CEP192: variants seen among roughly 807,000 people sequenced by gnomAD.
The protein encoded by CEP192 is centrosomal protein of 192 kDa.
CEP192 carries 151 observed loss-of-function variants against 271.8 expected under a neutral mutation model. The ratio of observed to expected loss-of-function variants is 0.56; its 90% CI spans 0.49 to 0.64. The LOEUF (loss-of-function observed/expected upper bound fraction) is 0.64, where lower values mean the gene tolerates loss of function less well. CEP192 is among the 30% of genes least tolerant of loss of function. CEP192 has a pLI of 0.00. For missense variants in CEP192, 2,910 were observed against 3,020.5 expected (o/e 0.96, Z 0.86); for synonymous variants, 995 against 1,076.5 (o/e 0.92, Z 1.48).
intron 21 of CEP192, among the ~76,000 whole-genome samples, chr18:13,061,941 C>T (rs1173823798): frequency 6.6e-6 from 1 of 152,210 alleles, no homozygotes; most frequent in African/African-American, 2.4e-5. Flanking sequence ...ATACATTTCA[C>T]TATATCAGAC....
At position 13,001,380 on chromosome 18, in the gene CEP192, C is replaced by T. The variant is rs549726799; in HGVS notation, c.165-77C>T. The T allele has an allele frequency of 6.4e-4, 651 of 1,015,642 alleles. 1 individual carries two copies. The highest frequency in any genetic ancestry group is 8.6e-4 in the Non-Finnish European group (607 of 705,638). 62.9% of individuals were successfully genotyped at this position (1,015,642 alleles called of 1,614,324 possible). On this transcript the variant is annotated intron_variant, in intron 2 of 44. Transcript: ENST00000506447. ...ACCCCGGTGGTTGGTTTTACTGTCA[C>T]GCAGCCCTATGTCATGATGACATTT... is the stretch of plus-strand genomic sequence containing the variant.
At chr18:13,065,811 A>G (rs1197764727) in intron 21 of CEP192, among the ~76,000 whole-genome samples, 2 of 152,204 alleles carry the variant, frequency 1.3e-5, no homozygotes, top group African/African-American at 4.8e-5. Context: ...TTCTGCAACA[A>G]ACTGGGGGTA....
At chr18:13,035,822 C>T (rs1409255075) in intron 11 of CEP192, among the ~76,000 whole-genome samples, 1 of 152,096 alleles carries the variant, frequency 6.6e-6, no homozygotes, top group African/African-American at 2.4e-5. Context: ...GATGCTCATT[C>T]CTAGGTTCTG....
intron 23 of CEP192, 42 bp downstream of exon 23, chr18:13,068,279 T>C (rs368810572): frequency 6.2e-6 from 10 of 1,606,238 alleles, no homozygotes; most frequent in African/African-American, 1.3e-5. Context: ...AAATTAAGCT[T>C]CTAAACCTCT....
chr18:13,089,618 A>G (rs1273406282), intron 33 of CEP192, 53 bp downstream of exon 33: 4 of 862,048 alleles, frequency 4.6e-6, no homozygotes, highest in Admixed American at 2.1e-5. Flanking sequence ...CATTTATAGT[A>G]TTATCTATGT....
intron 11 of CEP192, among the ~76,000 whole-genome samples, chr18:13,032,419 T>C (rs1212605764): frequency 1.3e-5 from 2 of 152,068 alleles, no homozygotes; most frequent in African/African-American, 4.8e-5. Context: ...GGGTCAGAAG[T>C]GTGAAGCTGA....
rs371123041 is a variant in CEP192 at position 13,005,093 on chromosome 18, T to C, written c.291-3363T>C. ...GGCTCTAGGGAGAGCGACCTGGAAG[T>C]GGCACTGAGGGCAAGAAGGGCGTAT... On this transcript the variant is annotated intron_variant, in intron 3 of 44. Transcript: ENST00000506447. Among the ~76,000 whole-genome samples, 8 of 152,078 alleles carry C rather than the reference T, an allele frequency of 5.3e-5. No homozygotes were observed. The East Asian group carries it at 1.4e-3, about 26-fold the overall frequency.
At chr18:13,124,096 G>A (rs1291738399) in intron 44 of CEP192, among the ~76,000 whole-genome samples, 1 of 152,066 alleles carries the variant, frequency 6.6e-6, no homozygotes, top group Non-Finnish European at 1.5e-5. Context: ...GGAGGTAGAA[G>A]TTGCAGTGAG....
At chr18:13,037,208 AT>A (rs755703793) in intron 11 of CEP192, 28 bp from the exon 12 acceptor site, 24 of 910,996 alleles carry the variant, frequency 2.6e-5, no homozygotes, top group Non-Finnish European at 3.9e-5. Context: ...CATTAGTGTA[AT>A]GTATTTATAT....
chr18:13,040,169 T>C (rs1008188603), intron 13 of CEP192, among the ~76,000 whole-genome samples: 5 of 152,226 alleles, frequency 3.3e-5, no homozygotes, highest in African/African-American at 9.7e-5. Context: ...ATGGATCTAT[T>C]ATTTGGAATT....
rs1012298138 is a variant in CEP192, at chr18:13,049,495, A to T, written c.2704A>T (p.Thr902Ser). ...GNDEKATSISTPSDSYSSVRN... is the reference protein window; with the variant it reads ...GNDEKATSISSPSDSYSSVRN... ...CGATGAAAAAGCTACCTCAATTTCC[A>T]CTCCATCTGATAGTTATTCATCAGT... The change falls in exon 16 of 45, where the codon ACT becomes TCT. Residue 902 changes from threonine (T) to serine (S), a missense_variant. Coordinates refer to ENST00000506447, the MANE Select transcript of CEP192 (RefSeq NM_032142.4). 1 of 1,614,076 alleles carries T rather than the reference A, an allele frequency of 6.2e-7. No homozygotes were observed. The highest frequency in any genetic ancestry group is 8.5e-7 in the Non-Finnish European group (1 of 1,180,016).
intron 36 of CEP192, among the ~76,000 whole-genome samples, chr18:13,096,600 C>T (rs1372689246): frequency 6.6e-6 from 1 of 152,142 alleles, no homozygotes; most frequent in African/African-American, 2.4e-5. Flanking sequence ...GCGTTTCCTT[C>T]TTAGGACTGC....
At chr18:13,008,656 C>A in intron 4 of CEP192, 25 bp downstream of exon 4, 4 of 1,434,780 alleles carry the variant, frequency 2.8e-6, no homozygotes, top group Non-Finnish European at 3.8e-6. Context: ...GAAATTATTT[C>A]TTAATGCATA....
intron 40 of CEP192, among the ~76,000 whole-genome samples, chr18:13,107,515 A>G (rs2040010690): frequency 6.6e-6 from 1 of 152,214 alleles, no homozygotes; most frequent in Non-Finnish European, 1.5e-5. Context: ...CTTGGTTTTC[A>G]TTAGCTCCAA....
At chr18:13,063,679 T>G (rs2037528791) in intron 21 of CEP192, among the ~76,000 whole-genome samples, 1 of 152,170 alleles carries the variant, frequency 6.6e-6, no homozygotes. Flanking sequence ...TCTTTTCACT[T>G]TGTTGATTGC....
chr18:13,123,588 G>A (rs1249180796), intron 44 of CEP192, among the ~76,000 whole-genome samples: 1 of 152,100 alleles, frequency 6.6e-6, no homozygotes, highest in Non-Finnish European at 1.5e-5. Context: ...CGAGACTAAG[G>A]GGTGAAGTAC....
intron 44 of CEP192, 55 bp from the exon 45 acceptor site, chr18:13,124,577 C>G: frequency 2.0e-6 from 3 of 1,536,112 alleles, no homozygotes; most frequent in Non-Finnish European, 2.7e-6. Context: ...CTGCCTGGGA[C>G]AGGGTCACGG....
Position 13,029,667 on chromosome 18 carries a change from G to T in CEP192, c.1055G>T (p.Cys352Phe), listed in dbSNP as rs1388338620. Residue 352 changes from cysteine (C) to phenylalanine (F), a missense_variant, in exon 10 of 45, where the codon TGT becomes TTT. By Grantham distance (205) the Cys-to-Phe change is radical (BLOSUM62 -2). Transcript: ENST00000506447. ...KGIVPDLNSE[C>F]ASKDVLVKTL... is the part of the protein sequence containing the mutation. ...ATCTGATTTTTTGTTTTAAAGGAATGTGCAAGTAAAGATGTTCTGGTGAAG... is the reference window on the plus strand; with the variant it reads ...ATCTGATTTTTTGTTTTAAAGGAATTTGCAAGTAAAGATGTTCTGGTGAAG... The T allele has an allele frequency of 5.4e-6, 8 of 1,492,404 alleles. No homozygotes were observed. In the Middle Eastern group the frequency reaches 1.0e-3, roughly 194 times the overall value. 92.4% of individuals were successfully genotyped at this position (1,492,404 alleles called of 1,614,324 possible).
intron 33 of CEP192, among the ~76,000 whole-genome samples, chr18:13,090,881 G>A (rs557981713): frequency 3.9e-5 from 6 of 152,286 alleles, no homozygotes; most frequent in Admixed American, 3.3e-4. Flanking sequence ...TAGGGAACCA[G>A]AGTTTGCAGT....
Sources: allele counts gnomAD v4.1 joint callset (sites outside exome capture counted in the v4.1 genomes callset), GRCh38; gene constraint gnomAD v4.1.1; transcripts MANE v1.5; gene names NCBI Gene and HGNC (gene_info 2026-07-23, HGNC 2026-07-21).